The following CSF2RB variants were observed in gnomAD, a reference collection of about 807,000 sequenced individuals.
CSF2RB encodes colony stimulating factor 2 receptor subunit beta, also known as cytokine receptor common subunit beta.
Under a neutral mutation model 67.2 loss-of-function variants are expected in CSF2RB, and 22 were observed. That is an observed-to-expected ratio of 0.33 (90% confidence interval 0.23 to 0.47). The LOEUF (loss-of-function observed/expected upper bound fraction) is 0.47, where lower values mean the gene tolerates loss of function less well. Ranked by LOEUF, CSF2RB falls within the 20% of genes least tolerant of loss-of-function variation. The probability of loss-of-function intolerance (pLI) is 1.00; values close to 1 mark genes in which losing one functional copy is unlikely to be tolerated. For missense variants in CSF2RB, 1,113 were observed against 1,174.5 expected, an observed-to-expected ratio of 0.95 and a Z score of 0.76; for synonymous variants, 507 against 482.9, an observed-to-expected ratio of 1.05 and a Z score of -0.65.
chr22:36,923,141 G>A (rs1940919052), intron 2 of CSF2RB, 103 bp from the exon 3 acceptor site: 1 of 1,577,288 alleles, frequency 6.3e-7, no homozygotes, highest in East Asian at 2.2e-5. Flanking sequence ...CAGGGACCTG[G>A]GAGACCCCTC....
Position 36,930,414 on chromosome 22 carries a change from A to T in CSF2RB, c.758A>T (p.Asp253Val). 1.2e-6 allele frequency: 2 copies of T among 1,613,516 alleles called. No individual in the cohort carries two copies. Among genetic ancestry groups the T allele is most frequent in the Non-Finnish European group, 1.7e-6 (2 of 1,180,000 alleles). ...AQPQNLECFF[D>V]GAAVLSCSWE... ...CCCCAGAACCTGGAGTGCTTCTTTG[A>T]CGGGGCCGCCGTGCTCAGCTGCTCC... Residue 253 changes from aspartate (D) to valine (V), a missense_variant, in exon 7 of 14, where the codon GAC becomes GTC. Transcript: ENST00000403662.
In CSF2RB at chr22:36,937,996, C is replaced by G. The variant is rs138141616; in HGVS notation, c.2188C>G (p.Leu730Val). ...TPNSGASSVSLVPSLGLPSDQ... is the reference protein window; with the variant it reads ...TPNSGASSVSVVPSLGLPSDQ... ...AAACTCAGGGGCCTCGTCTGTCTCCCTAGTTCCCTCTCTGGGCCTCCCCTC... is the reference window on the plus strand; with the variant it reads ...AAACTCAGGGGCCTCGTCTGTCTCCGTAGTTCCCTCTCTGGGCCTCCCCTC... The change falls in exon 14 of 14, where the codon CTA (leucine) becomes GTA (valine). Residue 730 changes from leucine to valine, a missense_variant. Around this residue, in one of 2 missense-constraint regions of CSF2RB, gnomAD observed 554 missense variants for 517.9 expected, o/e 1.07. Transcript: ENST00000403662. The surrounding 1 kb of genome is among the most constrained non-coding windows in gnomAD (Gnocchi z 4.6). 18 of 1,614,022 alleles carry G rather than the reference C, an allele frequency of 1.1e-5. No individual in the cohort carries two copies. Among genetic ancestry groups the G allele is most frequent in the Non-Finnish European group, 1.5e-5 (18 of 1,179,998 alleles).
At chr22:36,928,575 CACCAGAA>C (rs1469827497) in intron 4 of CSF2RB, among the ~76,000 whole-genome samples, 1 of 152,212 alleles carries the variant, frequency 6.6e-6, no homozygotes, top group South Asian at 2.1e-4. Context: ...AGCAAGCAGA[CACCAGAA>C]ACCAGAAATC....
Position 36,929,512 on chromosome 22 carries a change from G to T in CSF2RB, c.502G>T (p.Asp168Tyr), listed in dbSNP as rs756516150. ...CCAGAGCCACTGGTTGTCCCCAGGG[G>T]ATCTGGAGTTTGAGGTGGTCTACAA... The part of the protein sequence containing the change: ...SPQSHWLSPG[D>Y]LEFEVVYKRL... Residue 168 changes from aspartate (D) to tyrosine (Y), a missense_variant, in exon 5 of 14, where the codon GAT (aspartate) becomes TAT (tyrosine). Around this residue, in one of 2 missense-constraint regions of CSF2RB, gnomAD observed 559 missense variants for 656.5 expected, o/e 0.85. Transcript: ENST00000403662. The T allele has an allele frequency of 1.2e-6, 2 of 1,614,216 alleles. No individual in the cohort carries two copies. Among genetic ancestry groups the T allele is most frequent in the African/African-American group, 1.3e-5 (1 of 75,058 alleles).
intron 1 of CSF2RB, among the ~76,000 whole-genome samples, chr22:36,918,815 T>C (rs1601576353): frequency 6.6e-6 from 1 of 152,156 alleles, no homozygotes; most frequent in Non-Finnish European, 1.5e-5. Flanking sequence ...TGCTCCAGAG[T>C]GAGAGTGGGA....
chr22:36,930,776 A>C lies in CSF2RB; in HGVS notation c.958A>C (p.Ile320Leu). ...VPDPATHGQY[I>L]VSVQPRRAEK... ...CGACCCCGCGACCCACGGCCAATAC[A>C]TCGTCTCTGTTCAGCCAAGGAGGGC... The change falls in exon 8 of 14, where the codon ATC (isoleucine) becomes CTC (leucine). Residue 320 changes from isoleucine to leucine, a missense_variant. Ile to Leu is a conservative substitution (Grantham distance 5). This residue lies in a region of CSF2RB where 559 missense variants were observed against 656.5 expected (regional missense o/e 0.85). Transcript: ENST00000403662. 6.2e-7 allele frequency: 1 copy of C among 1,614,068 alleles called. No individual in the cohort carries two copies. The highest frequency in any genetic ancestry group is 8.5e-7 in the Non-Finnish European group (1 of 1,180,016).
At chr22:36,919,895 C>CT (rs1249255711) in intron 1 of CSF2RB, among the ~76,000 whole-genome samples, 1 of 152,116 alleles carries the variant, frequency 6.6e-6, no homozygotes, top group Non-Finnish European at 1.5e-5. Flanking sequence ...GAAGTGTCTG[C>CT]TGGGTTAGCA....
chr22:36,921,751 C>G (rs773724695), intron 1 of CSF2RB, among the ~76,000 whole-genome samples: 2 of 152,178 alleles, frequency 1.3e-5, no homozygotes, highest in East Asian at 1.9e-4. Context: ...TGGCATCCAA[C>G]AGCCGTGGAC....
intron 1 of CSF2RB, among the ~76,000 whole-genome samples, chr22:36,915,838 G>A (rs534360872): frequency 1.3e-5 from 2 of 152,204 alleles, no homozygotes; most frequent in African/African-American, 4.8e-5. Flanking sequence ...TCAATGTCGC[G>A]TGATTTTTTT....
chr22:36,924,649 C>G (rs1359967761), intron 3 of CSF2RB, among the ~76,000 whole-genome samples: 1 of 152,192 alleles, frequency 6.6e-6, no homozygotes, highest in Non-Finnish European at 1.5e-5. Context: ...CCAGGCCACC[C>G]AAACTGCTCT....
At position 36,922,086 on chromosome 22, in the gene CSF2RB, T is replaced by C. The variant is rs1940886381; in HGVS notation, c.-122T>C. Reference sequence around the variant, plus strand: ...GGAGAGGTCCCAAGAGCCTGTGAAATGGGTCTGGCCTGGCTCCCAGCTGGG... The same window carrying C: ...GGAGAGGTCCCAAGAGCCTGTGAAACGGGTCTGGCCTGGCTCCCAGCTGGG... On this transcript the variant is annotated 5_prime_UTR_variant, in exon 2 of 14. An upstream start codon of the reference 5' UTR is lost. Transcript: ENST00000403662. The C allele has an allele frequency of 4.7e-6, 4 of 855,488 alleles. No homozygotes were observed. The Admixed American group carries it at 8.2e-5, about 17-fold the overall frequency. The allele number at this position is 855,488 out of a possible 1,614,324, so 53.0% of individuals were successfully genotyped here.
intron 1 of CSF2RB, among the ~76,000 whole-genome samples, chr22:36,920,264 A>C (rs1458978324): frequency 6.6e-6 from 1 of 150,744 alleles, no homozygotes; most frequent in Non-Finnish European, 1.5e-5. Context: ...CTTTTAAAGT[A>C]AAAGACACTA....
chr22:36,926,428 CT>C (rs1479544943), intron 4 of CSF2RB, among the ~76,000 whole-genome samples: 2 of 152,242 alleles, frequency 1.3e-5, no homozygotes, highest in African/African-American at 4.8e-5. Context: ...GCAGGCTTGT[CT>C]TGAAGAAAAC....
rs1361859513 is a variant in CSF2RB, at chr22:36,937,677, A to C, written c.1869A>C (p.Pro623=). 1 of 1,554,298 alleles carries C rather than the reference A, an allele frequency of 6.4e-7. No homozygotes were observed. The highest frequency in any genetic ancestry group is 1.2e-5 in the South Asian group (1 of 84,884). ...GTGGGAGCCAGAAGTCCCCACCTCCAGGGTCCCTGGAGTACCTGTGTCTGC... is the reference window on the plus strand; with the variant it reads ...GTGGGAGCCAGAAGTCCCCACCTCCCGGGTCCCTGGAGTACCTGTGTCTGC... ...QEGGSQKSPP[P]GSLEYLCLPA... is the part of the protein sequence containing the mutation. The change falls in exon 14 of 14, where the codon CCA becomes CCC. Residue 623 remains proline (P), a synonymous_variant. Coordinates refer to ENST00000403662, the MANE Select transcript of CSF2RB (RefSeq NM_000395.3). The surrounding 1 kb of genome is among the most constrained non-coding windows in gnomAD (Gnocchi z 4.6).
intron 4 of CSF2RB, among the ~76,000 whole-genome samples, chr22:36,928,566 G>A (rs77908129): frequency 0.016 from 2,421 of 152,284 alleles, 50 homozygotes; most frequent in South Asian, 0.06. Flanking sequence ...CCATCCCTCA[G>A]CAAGCAGACA....
intron 1 of CSF2RB, among the ~76,000 whole-genome samples, chr22:36,920,773 T>C (rs999356836): frequency 6.6e-6 from 1 of 152,262 alleles, no homozygotes; most frequent in Non-Finnish European, 1.5e-5. Flanking sequence ...GCAGCTTTCA[T>C]AGGATGTAAC....
In CSF2RB at chr22:36,922,259, G is replaced by A. The variant is rs1249318582; in HGVS notation, c.52G>A (p.Glu18Lys). Residue 18 changes from glutamate (E) to lysine (K), a missense_variant, in exon 2 of 14, where the codon GAG (glutamate) becomes AAG (lysine). Transcript: ENST00000403662. Reference protein sequence around the residue: ...LSMALLALCWERSLAGAEETI... With the variant: ...LSMALLALCWKRSLAGAEETI... ...CATGGCCCTGCTGGCCCTGTGCTGG[G>A]AGCGCAGCCTGGCAGGGGCAGAAGG... The A allele has an allele frequency of 1.3e-6, 2 of 1,583,346 alleles. No individual in the cohort carries two copies. Among genetic ancestry groups the A allele is most frequent in the African/African-American group, 1.3e-5 (1 of 74,554 alleles).
chr22:36,926,836 A>G (rs1337541264), intron 4 of CSF2RB, among the ~76,000 whole-genome samples: 4 of 152,264 alleles, frequency 2.6e-5, no homozygotes, highest in East Asian at 1.9e-4. Flanking sequence ...GTTGCTTAGA[A>G]TGAAGCTAAA....
chr22:36,932,760 T>A lies in CSF2RB; in HGVS notation c.1013-5T>A. The stretch of plus-strand genomic sequence containing the variant: ...TGACTCTCCTGAAAGCTTCCCTCCC[T>A]CCAGTCCAGATGGCCCCTCCATCCC... On this transcript the variant is annotated splice_polypyrimidine_tract_variant and splice_region_variant and intron_variant, in intron 8 of 13. Transcript: ENST00000403662. 1.9e-6 allele frequency: 3 copies of A among 1,613,292 alleles called. No individual in the cohort carries two copies. The highest frequency in any genetic ancestry group is 1.7e-6 in the Non-Finnish European group (2 of 1,179,780).
Sources: allele counts gnomAD v4.1 joint callset (sites outside exome capture counted in the v4.1 genomes callset), GRCh38; gene constraint gnomAD v4.1.1; regional missense constraint gnomAD v4.1.1; non-coding constraint Gnocchi (gnomAD v3.1); transcripts MANE v1.5; gene names NCBI Gene and HGNC (gene_info 2026-07-23, HGNC 2026-07-21).